Variants in RECQL5 observed in about 807,000 individuals in gnomAD.
RECQL5 encodes RecQ like helicase 5.
In RECQL5, 88 loss-of-function variants were observed where a neutral mutation model predicts 103.4. That is an observed-to-expected ratio of 0.85 (90% CI 0.72 to 1.02). The LOEUF is 1.02. RECQL5 is among the 50% of genes least tolerant of loss of function. RECQL5 has a pLI of 0.00. For synonymous variants in RECQL5, 552 were observed against 507.9 expected (o/e 1.09, Z -1.17); for missense variants, 1,232 against 1,284.3 (o/e 0.96, Z 0.62).
chr17:75,628,433 C>T lies in RECQL5; in HGVS notation c.2590G>A (p.Glu864Lys). Residue 864 changes from glutamate to lysine, a missense_variant, in exon 18 of 20, where the codon GAG becomes AAG. Transcript: ENST00000317905. ...CGTGGCCTCTTCTGAGGCTGGCTCT[C>T]TGGGTTCTCCTGAGAAGGGCCACAG... ...KRPRSQQENP[E>K]SQPQKRPRPS... 2 of 1,613,462 alleles carry T rather than the reference C, an allele frequency of 1.2e-6. No individual in the cohort carries two copies. Among genetic ancestry groups the T allele is most frequent in the Non-Finnish European group, 1.7e-6 (2 of 1,179,986 alleles).
chr17:75,650,775 A>T lies in RECQL5; in HGVS notation c.1229+411T>A, dbSNP rs912038969. ...TCAAAGCACATGACTCCCCGAGGTA[A>T]GTGGGGCCACAGGCTTCTGTGTGGG... is the stretch of plus-strand genomic sequence containing the variant. On this transcript the variant is annotated intron_variant, in intron 8 of 19. Coordinates refer to ENST00000317905, the MANE Select transcript of RECQL5 (RefSeq NM_004259.7). 15 of 1,579,466 alleles carry T rather than the reference A, an allele frequency of 9.5e-6. No homozygotes were observed. In the African/African-American group the frequency reaches 1.4e-4, roughly 14 times the overall value.
chr17:75,643,787 G>A (rs2059459300), intron 8 of RECQL5, among the ~76,000 whole-genome samples: 3 of 152,202 alleles, frequency 2.0e-5, no homozygotes, highest in Admixed American at 6.5e-5. Context: ...CTCTGTTCCC[G>A]CCACTGTGCC....
rs1312740054 is a variant in RECQL5, at chr17:75,640,186, A to G, written c.1230-8518T>C. The G allele has an allele frequency of 1.9e-6, 3 of 1,539,932 alleles. No homozygotes were observed. The highest frequency in any genetic ancestry group is 1.8e-6 in the Non-Finnish European group (2 of 1,142,608). The stretch of plus-strand genomic sequence containing the variant: ...AGCAGAGCCCGGCAGGAGCCCCAAC[A>G]GGAAGCCAGCGCGGCATGGCTGCCA... On this transcript the variant is annotated intron_variant, in intron 8 of 19. Coordinates refer to ENST00000317905, the MANE Select transcript of RECQL5 (RefSeq NM_004259.7). The surrounding 1 kb of genome is among the most constrained non-coding windows in gnomAD (Gnocchi z 4.6).
chr17:75,660,311 C>T (rs1044887800), intron 6 of RECQL5, among the ~76,000 whole-genome samples: 9 of 152,356 alleles, frequency 5.9e-5, no homozygotes, highest in South Asian at 4.1e-4. Flanking sequence ...CTCAAGCGAT[C>T]CACCTGCCTT....
chr17:75,656,635 T>C (rs2059623913), intron 7 of RECQL5, among the ~76,000 whole-genome samples: 1 of 152,094 alleles, frequency 6.6e-6, no homozygotes. Context: ...AGATTTCTAG[T>C]AGGGTTTTTG....
chr17:75,629,867 T>G (rs746066016), intron 14 of RECQL5, 25 bp from the exon 15 acceptor site: 11 of 1,559,624 alleles, frequency 7.1e-6, no homozygotes, highest in Non-Finnish European at 8.7e-6. Context: ...GCAGGGAGGC[T>G]GTGGCACCCG....
chr17:75,657,365 G>C (rs2059637207), intron 7 of RECQL5, among the ~76,000 whole-genome samples: 1 of 152,046 alleles, frequency 6.6e-6, no homozygotes, highest in African/African-American at 2.4e-5. Context: ...CACTGCACTT[G>C]AGCCTGAGCA....
intron 8 of RECQL5, among the ~76,000 whole-genome samples, chr17:75,642,866 A>T (rs954819603): frequency 6.6e-6 from 1 of 152,236 alleles, no homozygotes; most frequent in Non-Finnish European, 1.5e-5. Context: ...GGCCTGCTTG[A>T]GTCCAGCCTA....
Position 75,651,211 on chromosome 17 carries a change from G to A in RECQL5, c.1204C>T (p.Leu402=), listed in dbSNP as rs751682096. 3 of 1,614,186 alleles carry A rather than the reference G, an allele frequency of 1.9e-6. No homozygotes were observed. Among genetic ancestry groups the A allele is most frequent in the Non-Finnish European group, 2.5e-6 (3 of 1,180,042 alleles). The change falls in exon 8 of 20, where the codon CTG becomes TTG. Residue 402 remains leucine, a synonymous_variant. Coordinates refer to ENST00000317905, the MANE Select transcript of RECQL5 (RefSeq NM_004259.7). ...CCCAGTTCTTCACAGAAGGTCACCA[G>A]GGCATCAAAGGCCATGATAGTGGCT... ...DKATIMAFDA[L]VTFCEELGCR...
intron 8 of RECQL5, among the ~76,000 whole-genome samples, chr17:75,633,112 C>G (rs1230769577): frequency 1.3e-5 from 2 of 152,244 alleles, no homozygotes; most frequent in Admixed American, 6.5e-5. Context: ...CTCCTGCCCC[C>G]ACTCTGCTCC....
At chr17:75,634,346 GC>G in intron 8 of RECQL5, 1 of 728,062 alleles carries the variant, frequency 1.4e-6, no homozygotes, top group Non-Finnish European at 1.7e-6. Flanking sequence ...AGGGAAGTCA[GC>G]CAGCCTCCTG....
chr17:75,661,471 T>C, intron 5 of RECQL5, 135 bp downstream of exon 5: 2 of 665,130 alleles, frequency 3.0e-6, no homozygotes, highest in South Asian at 3.6e-5. Flanking sequence ...GGGATTTAAG[T>C]GTATCACTTT....
chr17:75,633,645 A>G, intron 8 of RECQL5: 3 of 1,179,412 alleles, frequency 2.5e-6, no homozygotes, highest in Non-Finnish European at 3.2e-6. Flanking sequence ...GTTGTTCCTG[A>G]GAGAGGCCAG....
intron 2 of RECQL5, 56 bp downstream of exon 2, chr17:75,666,372 G>A: frequency 6.3e-7 from 1 of 1,590,130 alleles, no homozygotes; most frequent in Non-Finnish European, 8.6e-7. Flanking sequence ...GTGTTCTGCC[G>A]CAGCGTTATG....
intron 2 of RECQL5, among the ~76,000 whole-genome samples, chr17:75,665,400 A>G (rs1167701895): frequency 1.3e-5 from 2 of 152,176 alleles, no homozygotes; most frequent in Non-Finnish European, 2.9e-5. Context: ...AACAAGATTT[A>G]AAAAGTCTGG....
At chr17:75,663,826 G>A (rs991021507) in intron 3 of RECQL5, among the ~76,000 whole-genome samples, 42 of 152,006 alleles carry the variant, frequency 2.8e-4, no homozygotes, top group Non-Finnish European at 4.4e-4. Context: ...AGGCTGAGGC[G>A]GGCAGATCAC....
In RECQL5 at chr17:75,640,213, C is replaced by T. The variant is rs1029125775; in HGVS notation, c.1230-8545G>A. 16 of 1,548,984 alleles carry T rather than the reference C, an allele frequency of 1.0e-5. No individual in the cohort carries two copies. The East Asian group carries it at 1.7e-4, about 17-fold the overall frequency. ...GAAGCCAGCGCGGCATGGCTGCCAC[C>T]GACTTCGTGCAGGAGATGCGCGCCG... is the stretch of plus-strand genomic sequence containing the variant. On this transcript the variant is annotated intron_variant, in intron 8 of 19. Coordinates refer to ENST00000317905, the MANE Select transcript of RECQL5 (RefSeq NM_004259.7). The surrounding 1 kb of genome is among the most constrained non-coding windows in gnomAD (Gnocchi z 4.6).
At chr17:75,656,938 G>T (rs1198734200) in intron 7 of RECQL5, among the ~76,000 whole-genome samples, 2 of 152,052 alleles carry the variant, frequency 1.3e-5, no homozygotes, top group African/African-American at 4.8e-5. Context: ...TAGAGACGGG[G>T]TTTCACCGTG....
chr17:75,665,987 C>T (rs938634599), intron 2 of RECQL5, among the ~76,000 whole-genome samples: 9 of 152,298 alleles, frequency 5.9e-5, no homozygotes, highest in African/African-American at 1.4e-4. Flanking sequence ...GGCCAGTGAC[C>T]GAGTTAAGTT....
Sources: allele counts gnomAD v4.1 joint callset (sites outside exome capture counted in the v4.1 genomes callset), GRCh38; gene constraint gnomAD v4.1.1; non-coding constraint Gnocchi (gnomAD v3.1); transcripts MANE v1.5; gene names NCBI Gene and HGNC (gene_info 2026-07-23, HGNC 2026-07-21).